The following MORN4 variants were observed in gnomAD, a reference collection of about 807,000 sequenced individuals.
MORN4 encodes the protein MORN repeat-containing protein 4.
Under a neutral mutation model 16.4 loss-of-function variants are expected in MORN4, and 8 were observed. The ratio of observed to expected loss-of-function variants is 0.49; its 90% confidence interval spans 0.29 to 0.88. The LOEUF (loss-of-function observed/expected upper bound fraction) is 0.88, where lower values mean the gene tolerates loss of function less well. Ranked by LOEUF, MORN4 falls within the 40% of genes least tolerant of loss-of-function variation. MORN4 has a pLI of 0.09. For missense variants in MORN4, 159 were observed against 182.9 expected, an observed-to-expected ratio of 0.87 and a Z score of 0.75; for synonymous variants, 53 against 68.9, an observed-to-expected ratio of 0.77 and a Z score of 1.14.
Position 97,616,038 on chromosome 10 carries a change from T to C in MORN4, c.*225A>G. 2.5e-6 allele frequency: 1 copy of C among 404,284 alleles called. No individual in the cohort carries two copies. Among genetic ancestry groups the C allele is most frequent in the Non-Finnish European group, 4.4e-6 (1 of 228,844 alleles). The allele number at this position is 404,284 out of a possible 1,614,324, so 25.0% of individuals were successfully genotyped here. On this transcript the variant is annotated 3_prime_UTR_variant, in exon 5 of 5. Transcript: ENST00000307450. ...CCTCTGTCCTCCAGCACATAAGGGTTAGGGAAAGACAGAACCACCAATGAC... is the reference window on the plus strand; with the variant it reads ...CCTCTGTCCTCCAGCACATAAGGGTCAGGGAAAGACAGAACCACCAATGAC...
At chr10:97,623,758 CAG>C (rs1020771769) in intron 1 of MORN4, among the ~76,000 whole-genome samples, 1 of 148,458 alleles carries the variant, frequency 6.7e-6, no homozygotes, top group African/African-American at 2.5e-5. Context: ...TTTTTTGAGA[CAG>C]AGTCTCACTC....
chr10:97,622,507 G>A (rs950726767), intron 1 of MORN4, among the ~76,000 whole-genome samples: 2 of 151,946 alleles, frequency 1.3e-5, no homozygotes, highest in African/African-American at 2.4e-5. Flanking sequence ...GCAATATGGT[G>A]AAACCCCATC....
At chr10:97,630,926 C>T (rs2041390744) in intron 1 of MORN4, among the ~76,000 whole-genome samples, 1 of 152,148 alleles carries the variant, frequency 6.6e-6, no homozygotes, top group Admixed American at 6.5e-5. Context: ...ATCTCAGCCA[C>T]TGCAACCTCT....
intron 1 of MORN4, among the ~76,000 whole-genome samples, chr10:97,622,524 A>C (rs1214730983): frequency 6.6e-6 from 1 of 151,868 alleles, no homozygotes; most frequent in Non-Finnish European, 1.5e-5. Flanking sequence ...CATCTGTACC[A>C]AAATTACAAA....
chr10:97,628,901 A>G (rs1053409306), intron 1 of MORN4, among the ~76,000 whole-genome samples: 1 of 152,234 alleles, frequency 6.6e-6, no homozygotes, highest in African/African-American at 2.4e-5. Flanking sequence ...GAAGCCAATG[A>G]AACTGAAAAG....
At chr10:97,625,226 T>C (rs1192987097) in intron 1 of MORN4, among the ~76,000 whole-genome samples, 1 of 152,226 alleles carries the variant, frequency 6.6e-6, no homozygotes, top group East Asian at 1.9e-4. Context: ...TATACCATAC[T>C]ATCCTATCTG....
At chr10:97,619,262 T>G in intron 2 of MORN4, 3 of 395,034 alleles carry the variant, frequency 7.6e-6, no homozygotes, top group East Asian at 3.9e-5. Flanking sequence ...GGGGCAGAGG[T>G]TGCAGTGAGC....
chr10:97,629,550 G>A (rs1395160893), intron 1 of MORN4, among the ~76,000 whole-genome samples: 1 of 152,106 alleles, frequency 6.6e-6, no homozygotes, highest in Non-Finnish European at 1.5e-5. Context: ...GCCATATATT[G>A]GTGTTCCAGT....
intron 1 of MORN4, among the ~76,000 whole-genome samples, chr10:97,631,442 C>G (rs983906650): frequency 6.6e-6 from 1 of 152,064 alleles, no homozygotes; most frequent in Non-Finnish European, 1.5e-5. Flanking sequence ...TCTTCATTTT[C>G]TTTTGTCCCA....
rs1222297726 is a variant in MORN4, at chr10:97,617,229, A to G, written c.161T>C (p.Leu54Ser). The G allele has an allele frequency of 6.2e-7, 1 of 1,614,118 alleles. No homozygotes were observed. Among genetic ancestry groups the G allele is most frequent in the East Asian group, 2.2e-5 (1 of 44,890 alleles). ...CCACCTTGAACCATCTGAGAAGGTC[A>G]ATACCCCAAAGCCATTAAAGAGCCC... is the stretch of plus-strand genomic sequence containing the variant. ...ENGLFNGFGV[L>S]TFSDGSRYEG... Residue 54 changes from leucine to serine, a missense_variant, in exon 3 of 5, where the codon TTG (leucine) becomes TCG (serine). Leu to Ser is a moderately radical substitution (Grantham distance 145, BLOSUM62 -2). Transcript: ENST00000307450.
intron 2 of MORN4, 46 bp from the exon 3 acceptor site, chr10:97,617,368 C>T (rs781509899): frequency 6.8e-7 from 1 of 1,463,146 alleles, no homozygotes; most frequent in Non-Finnish European, 9.6e-7. Context: ...GAGGCAGCTT[C>T]AGGGTCCCTT....
At chr10:97,626,779 C>T (rs2041352119) in intron 1 of MORN4, among the ~76,000 whole-genome samples, 1 of 98,046 alleles carries the variant, frequency 1.0e-5, no homozygotes, top group African/African-American at 4.0e-5. Context: ...TTTTTTTAGA[C>T]AGAGTTTCAT....
rs140943900 is a variant in MORN4 at position 97,617,604 on chromosome 10, C to T, written c.68-282G>A. ...AGCTGACCAGGCGCGGTAGCTTACA[C>T]CTGTAATCCCAGCATTTTGGGAGGC... On this transcript the variant is annotated intron_variant, in intron 2 of 4. Coordinates refer to ENST00000307450, the MANE Select transcript of MORN4 (RefSeq NM_178832.4). 1.9e-3 allele frequency among the ~76,000 whole-genome samples: 295 copies of T among 152,322 alleles called. 2 individuals carry two copies. Among genetic ancestry groups the T allele is most frequent in the African/African-American group, 7.0e-3 (289 of 41,552 alleles).
chr10:97,633,612 G>A (rs887081297), upstream of MORN4: 1 of 1,288,330 alleles, frequency 7.8e-7, no homozygotes, highest in African/African-American at 1.5e-5. The surrounding 1 kb of genome is among the most constrained non-coding windows in gnomAD (Gnocchi z 4.5). Context: ...GAGTGTTTGC[G>A]AACCCGGGCT....
At position 97,616,164 on chromosome 10, in the gene MORN4, T is replaced by C. The variant is rs1253927541; in HGVS notation, c.*99A>G. The C allele has an allele frequency of 3.1e-6, 4 of 1,284,846 alleles. No homozygotes were observed. The highest frequency in any genetic ancestry group is 4.2e-6 in the Non-Finnish European group (4 of 954,436). 79.6% of individuals were successfully genotyped at this position (1,284,846 alleles called of 1,614,324 possible). On this transcript the variant is annotated 3_prime_UTR_variant, in exon 5 of 5. Transcript: ENST00000307450. ...ATACAAGGCCTCTGCTCCACTGTCATTGTCAACTCATCTCAGCTCTGATTC... is the reference window on the plus strand; with the variant it reads ...ATACAAGGCCTCTGCTCCACTGTCACTGTCAACTCATCTCAGCTCTGATTC...
intron 1 of MORN4, among the ~76,000 whole-genome samples, chr10:97,630,346 C>T (rs748974065): frequency 6.6e-6 from 1 of 152,176 alleles, no homozygotes; most frequent in Non-Finnish European, 1.5e-5. Flanking sequence ...GGATTACAGG[C>T]ATGAGCCACC....
Position 97,617,339 on chromosome 10 carries a change from A to G in MORN4, c.68-17T>C, listed in dbSNP as rs2041245419. The G allele has an allele frequency of 6.2e-7, 1 of 1,610,048 alleles. No individual in the cohort carries two copies. The highest frequency in any genetic ancestry group is 8.5e-7 in the Non-Finnish European group (1 of 1,176,292). On this transcript the variant is annotated splice_polypyrimidine_tract_variant and intron_variant, in intron 2 of 4. Coordinates refer to ENST00000307450, the MANE Select transcript of MORN4 (RefSeq NM_178832.4). ...GCCTGCGGCCTGAACAAAGAGAAGGATAGGTGTCAGGTTGGAAGGAGGCAG... is the reference window on the plus strand; with the variant it reads ...GCCTGCGGCCTGAACAAAGAGAAGGGTAGGTGTCAGGTTGGAAGGAGGCAG...
In MORN4 at chr10:97,633,108, A is replaced by G. The variant is rs2041411475; in HGVS notation, c.-31+239T>C. On this transcript the variant is annotated intron_variant, in intron 1 of 4. Transcript: ENST00000307450. The surrounding 1 kb of genome is among the most constrained non-coding windows in gnomAD (Gnocchi z 4.5). ...TCACACAGGTCTGCCAATTCCCCTG[A>G]TGCAACCCTCCACCCTCTGCTCGCT... Among the ~76,000 whole-genome samples the G allele has an allele frequency of 6.6e-6, 1 of 152,072 alleles. No homozygotes were observed. Among genetic ancestry groups the G allele is most frequent in the Non-Finnish European group, 1.5e-5 (1 of 68,014 alleles).
At chr10:97,620,413 G>A (rs990239624) in intron 1 of MORN4, among the ~76,000 whole-genome samples, 3 of 148,166 alleles carry the variant, frequency 2.0e-5, no homozygotes, top group African/African-American at 7.6e-5. Context: ...ACTTAAACCC[G>A]GGAGGCGGAG....
Sources: allele counts gnomAD v4.1 joint callset (sites outside exome capture counted in the v4.1 genomes callset), GRCh38; gene constraint gnomAD v4.1.1; non-coding constraint Gnocchi (gnomAD v3.1); transcripts MANE v1.5; gene names NCBI Gene and HGNC (gene_info 2026-07-23, HGNC 2026-07-21).